The following SASH1 variants were observed in gnomAD, a reference collection of about 807,000 sequenced individuals.
SASH1 encodes the protein SAM and SH3 domain containing 1, also known as SAM and SH3 domain-containing protein 1.
SASH1 carries 44 observed loss-of-function variants against 125.2 expected under a neutral mutation model. That is an observed-to-expected ratio of 0.35 (90% CI 0.28 to 0.45). The LOEUF (loss-of-function observed/expected upper bound fraction) is 0.45. Among genes scored for constraint, SASH1 ranks in the 20% least tolerant of loss-of-function variants. SASH1 has a pLI of 1.00. For missense variants in SASH1, 1,426 were observed against 1,614.5 expected, an observed-to-expected ratio of 0.88 and a Z score of 2.00; for synonymous variants, 639 against 649.1, an observed-to-expected ratio of 0.98 and a Z score of 0.24.
rs71004291 is a variant in SASH1, at chr6:148,387,905, ATTT to A, written c.157-2204_157-2202del. 3.0e-3 allele frequency among the ~76,000 whole-genome samples: 162 copies of A among 54,020 alleles called. 1 individual carries two copies. Among genetic ancestry groups the A allele is most frequent in the African/African-American group, 0.012 (158 of 13,048 alleles). 35.4% of individuals were successfully genotyped at this position (54,020 alleles called of 152,430 possible). On this transcript the variant is annotated intron_variant, in intron 1 of 19. Transcript: ENST00000367467. ...AGGTGCCCACTAATGCGCCCTGCTA[ATTT>A]TTTTTTTTTTTTTTTTTTTTTTTTG...
At chr6:148,497,811 G>A (rs544570989) in intron 8 of SASH1, among the ~76,000 whole-genome samples, 8 of 152,300 alleles carry the variant, frequency 5.3e-5, no homozygotes, top group African/African-American at 1.9e-4. Context: ...GTTTAAGGGT[G>A]GGTCTGGTAT....
intron 10 of SASH1, among the ~76,000 whole-genome samples, chr6:148,520,730 C>T (rs1412855876): frequency 6.6e-6 from 1 of 152,136 alleles, no homozygotes; most frequent in Non-Finnish European, 1.5e-5. Flanking sequence ...CTCAAAGAAG[C>T]TGATTCAAAA....
At chr6:148,542,878 G>GA (rs1307891062) in intron 17 of SASH1, among the ~76,000 whole-genome samples, 1 of 144,068 alleles carries the variant, frequency 6.9e-6, no homozygotes, top group African/African-American at 2.7e-5. Flanking sequence ...GTGTGTGTGT[G>GA]TGCGCGCGCA....
At position 148,485,021 on chromosome 6, in the gene SASH1, CAT is replaced by C. The variant is rs527768678; in HGVS notation, c.628-2591_628-2590del. 1.7e-3 allele frequency among the ~76,000 whole-genome samples: 265 copies of C among 152,156 alleles called. 1 individual carries two copies. Among genetic ancestry groups the C allele is most frequent in the African/African-American group, 6.1e-3 (254 of 41,508 alleles). On this transcript the variant is annotated intron_variant, in intron 7 of 19. Transcript: ENST00000367467. ...TTAAAATCTCTTTCAGAAGAGCACA[CAT>C]AGTTTTAGGCCCCAAAGTAGATAGC...
At chr6:148,244,697 A>G in the SASH1 span, among the ~76,000 whole-genome samples, 4 of 152,108 alleles carry the variant, frequency 2.6e-5, no homozygotes, top group Non-Finnish European at 5.9e-5. Context: ...TCCTGGGGCC[A>G]CGTGTCTGAC....
chr6:148,202,308 G>A, the SASH1 span, among the ~76,000 whole-genome samples: 1 of 152,170 alleles, frequency 6.6e-6, no homozygotes, highest in African/African-American at 2.4e-5. Flanking sequence ...TTCCTAGTGT[G>A]CCTTTCTCAG....
intron 1 of SASH1, among the ~76,000 whole-genome samples, chr6:148,314,845 C>T (rs1187652001): frequency 6.6e-6 from 1 of 151,192 alleles, no homozygotes; most frequent in Non-Finnish European, 1.5e-5. Context: ...CAACCTCTGC[C>T]TCCTGGGTTC....
intron 6 of SASH1, 23 bp from the exon 7 acceptor site, chr6:148,474,087 T>A (rs777827999): frequency 6.7e-6 from 10 of 1,497,442 alleles, no homozygotes; most frequent in Non-Finnish European, 9.3e-6. Context: ...TCACTCCTGT[T>A]GTTCTTTGTC....
chr6:148,544,446 C>T lies in SASH1; in HGVS notation c.2976C>T (p.Ser992=), dbSNP rs767041715. 4 of 1,614,198 alleles carry T rather than the reference C, an allele frequency of 2.5e-6. No homozygotes were observed. The highest frequency in any genetic ancestry group is 3.4e-6 in the Non-Finnish European group (4 of 1,180,036). Residue 992 remains serine, a synonymous_variant, in exon 18 of 20, where the codon AGC becomes AGT. Coordinates refer to ENST00000367467, the MANE Select transcript of SASH1 (RefSeq NM_015278.5). This position sits in a 1 kb window ranked among gnomAD's most constrained non-coding sequence, Gnocchi z 6.4. ...SQPPPVPAKK[S]RERLANGLHP... ...CTCCACCTGTTCCTGCCAAAAAGAG[C>T]AGAGAACGCCTTGCTAACGGACTCC...
At chr6:148,250,140 C>T in the SASH1 span, among the ~76,000 whole-genome samples, 836 of 152,276 alleles carry the variant, frequency 5.5e-3, 8 homozygotes, top group African/African-American at 0.02. Flanking sequence ...GCCCTCATCC[C>T]TCTGGCATCA....
chr6:148,384,891 A>G (rs1213328900), intron 1 of SASH1, among the ~76,000 whole-genome samples: 3 of 152,188 alleles, frequency 2.0e-5, no homozygotes, highest in Non-Finnish European at 4.4e-5. Context: ...CATAGAAATG[A>G]TGATTATTCT....
At chr6:148,291,119 C>T (rs1779622527) in intron 1 of SASH1, among the ~76,000 whole-genome samples, 1 of 151,678 alleles carries the variant, frequency 6.6e-6, no homozygotes, top group African/African-American at 2.4e-5. Flanking sequence ...CCTGCCTCAG[C>T]CAATTAGGAC....
At chr6:148,214,703 C>A in the SASH1 span, among the ~76,000 whole-genome samples, 1 of 152,168 alleles carries the variant, frequency 6.6e-6, no homozygotes, top group Admixed American at 6.5e-5. Flanking sequence ...TTTGGTATTT[C>A]TCTCAGCTCT....
chr6:148,299,420 A>C (rs571733965), intron 1 of SASH1, among the ~76,000 whole-genome samples: 2 of 152,074 alleles, frequency 1.3e-5, no homozygotes, highest in African/African-American at 4.8e-5. Flanking sequence ...TAGTCCCAGC[A>C]CTTTGGGAGG....
intron 2 of SASH1, among the ~76,000 whole-genome samples, chr6:148,438,818 G>A (rs749942117): frequency 1.3e-5 from 2 of 150,848 alleles, no homozygotes; most frequent in Non-Finnish European, 2.9e-5. Context: ...AGTGTGCGGT[G>A]CAGCGTTGTC....
chr6:148,242,216 T>A, the SASH1 span, among the ~76,000 whole-genome samples: 1 of 152,310 alleles, frequency 6.6e-6, no homozygotes, highest in Admixed American at 6.5e-5. Context: ...ATTTTCCTTG[T>A]GTAAGTAACA....
rs1783499733 is a variant in SASH1 at position 148,387,640 on chromosome 6, CTTTCTTTCT to C, written c.157-2491_157-2483del. Among the ~76,000 whole-genome samples the C allele has an allele frequency of 5.0e-5, 2 of 40,254 alleles. 1 individual carries two copies. The highest frequency in any genetic ancestry group is 5.7e-4 in the Admixed American group (2 of 3,504). 26.4% of individuals were successfully genotyped at this position (40,254 alleles called of 152,430 possible). On this transcript the variant is annotated intron_variant, in intron 1 of 19. Coordinates refer to ENST00000367467, the MANE Select transcript of SASH1 (RefSeq NM_015278.5). The stretch of plus-strand genomic sequence containing the variant: ...TCTTTCTTTCTTTCTTTCTTTCTTT[CTTTCTTTCT>C]TTCTTTCTTTCTTTCTTTCTTTCTT...
At chr6:148,314,502 C>G (rs1440482502) in intron 1 of SASH1, among the ~76,000 whole-genome samples, 1 of 152,110 alleles carries the variant, frequency 6.6e-6, no homozygotes, top group Non-Finnish European at 1.5e-5. Flanking sequence ...TTACTGAGCC[C>G]GCTGAATGCA....
At chr6:148,542,480 G>A (rs555650258) in intron 17 of SASH1, among the ~76,000 whole-genome samples, 12 of 152,158 alleles carry the variant, frequency 7.9e-5, no homozygotes, top group East Asian at 1.9e-4. Context: ...TCCACCTCCC[G>A]GGTTCATGCC....
Sources: gnomAD v4.1 joint callset for allele counts (sites outside exome capture counted in the v4.1 genomes callset) on GRCh38, gnomAD v4.1.1 for gene constraint, Gnocchi (gnomAD v3.1) non-coding constraint, MANE v1.5 for transcripts, NCBI Gene and HGNC (gene_info 2026-07-23, HGNC 2026-07-21) for gene names.